Variants in CACNA1B observed in about 807,000 individuals in gnomAD.
CACNA1B encodes calcium voltage-gated channel subunit alpha1 B.
Under a neutral mutation model 247.2 loss-of-function variants are expected in CACNA1B, and 70 were observed. The observed-to-expected ratio is 0.28, with a 90% CI of 0.23 to 0.35. The LOEUF is 0.35. CACNA1B is among the 10% of genes least tolerant of loss of function. The probability of loss-of-function intolerance (pLI) is 1.00; values close to 1 mark genes in which losing one functional copy is unlikely to be tolerated. For missense variants in CACNA1B, 2,367 were observed against 3,197.4 expected (o/e 0.74, Z 6.26); for synonymous variants, 1,231 against 1,294.4 (o/e 0.95, Z 1.05).
At chr9:137,924,387 C>T (rs889480803) in intron 6 of CACNA1B, among the ~76,000 whole-genome samples, 4 of 146,446 alleles carry the variant, frequency 2.7e-5, no homozygotes, top group Non-Finnish European at 4.5e-5. Context: ...CTCCTTCCTT[C>T]CCTCCCTCCC....
chr9:137,902,024 A>G (rs945559995), intron 3 of CACNA1B, among the ~76,000 whole-genome samples: 5 of 152,080 alleles, frequency 3.3e-5, no homozygotes, highest in Admixed American at 1.3e-4. Context: ...CTTTGCCACC[A>G]CTGGATATAT....
chr9:137,951,754 G>A (rs1349847334), intron 6 of CACNA1B, among the ~76,000 whole-genome samples: 2 of 152,218 alleles, frequency 1.3e-5, no homozygotes, highest in East Asian at 3.8e-4. Flanking sequence ...GCTGTCTCAG[G>A]CCAGGCATGT....
chr9:137,924,492 T>A (rs1168461349), intron 6 of CACNA1B, among the ~76,000 whole-genome samples: 2 of 152,098 alleles, frequency 1.3e-5, no homozygotes, highest in Non-Finnish European at 2.9e-5. Context: ...CTGGACATAT[T>A]TATGTGGGTC....
intron 6 of CACNA1B, among the ~76,000 whole-genome samples, chr9:137,934,003 G>T (rs560114730): frequency 6.6e-6 from 1 of 152,132 alleles, no homozygotes; most frequent in African/African-American, 2.4e-5. Flanking sequence ...AAACACTTTG[G>T]TTAATTATTA....
At chr9:138,036,112 C>G (rs1336968597) in intron 20 of CACNA1B, among the ~76,000 whole-genome samples, 2 of 152,080 alleles carry the variant, frequency 1.3e-5, no homozygotes, top group Admixed American at 1.3e-4. Flanking sequence ...TCCCCCCCGC[C>G]CCTTCTGCCT....
At chr9:138,036,838 C>A (rs1464127628) in intron 20 of CACNA1B, among the ~76,000 whole-genome samples, 1 of 152,124 alleles carries the variant, frequency 6.6e-6, no homozygotes, top group Non-Finnish European at 1.5e-5. Flanking sequence ...GTGTAATACG[C>A]CAATAAGCAT....
At chr9:137,970,845 T>G (rs1958137608) in intron 10 of CACNA1B, among the ~76,000 whole-genome samples, 1 of 152,110 alleles carries the variant, frequency 6.6e-6, no homozygotes, top group African/African-American at 2.4e-5. Context: ...CAGTAAGTAT[T>G]GTGGACATTG....
At chr9:137,910,212 G>A (rs1190570506) in intron 3 of CACNA1B, among the ~76,000 whole-genome samples, 1 of 152,182 alleles carries the variant, frequency 6.6e-6, no homozygotes, top group African/African-American at 2.4e-5. Context: ...GTTCATTCAA[G>A]TCCGTTGCCC....
chr9:138,043,995 C>A, intron 21 of CACNA1B, 95 bp downstream of exon 21: 3 of 1,470,800 alleles, frequency 2.0e-6, no homozygotes, highest in Non-Finnish European at 2.8e-6. Flanking sequence ...TGATTCTGCG[C>A]ACTTATGTAG....
intron 45 of CACNA1B, 111 bp downstream of exon 45, chr9:138,120,483 C>T: frequency 7.2e-7 from 1 of 1,385,820 alleles, no homozygotes; most frequent in South Asian, 1.4e-5. Context: ...ACCCCATAAC[C>T]AGCCAGAGCA....
intron 36 of CACNA1B, among the ~76,000 whole-genome samples, chr9:138,089,798 A>T (rs150879247): frequency 6.6e-6 from 1 of 152,250 alleles, no homozygotes; most frequent in Non-Finnish European, 1.5e-5. Flanking sequence ...AGTAAAATCA[A>T]TGTACAAAAA....
chr9:137,971,667 C>A lies in CACNA1B; in HGVS notation c.1543+75C>A. 1.5e-6 allele frequency: 2 copies of A among 1,299,992 alleles called. No individual in the cohort carries two copies. Among genetic ancestry groups the A allele is most frequent in the South Asian group, 1.3e-5 (1 of 78,712 alleles). 80.5% of individuals were successfully genotyped at this position (1,299,992 alleles called of 1,614,324 possible). ...CAGTCTGGAAACCCTGGTCCATGCC[C>A]TGGGGCTACCCCAGGTGGGACGGGA... is the stretch of plus-strand genomic sequence containing the variant. On this transcript the variant is annotated intron_variant, in intron 11 of 46. Coordinates refer to ENST00000371372, the MANE Select transcript of CACNA1B (RefSeq NM_000718.4). The surrounding 1 kb of genome is among the most constrained non-coding windows in gnomAD (Gnocchi z 4.4).
intron 12 of CACNA1B, among the ~76,000 whole-genome samples, chr9:137,980,774 C>A (rs111271599): frequency 0.011 from 1,633 of 152,282 alleles, 10 homozygotes; most frequent in African/African-American, 0.013. Context: ...GTGTTTGTTT[C>A]TGCATTAATT....
chr9:137,923,808 G>A (rs565171781), intron 6 of CACNA1B, among the ~76,000 whole-genome samples: 2 of 152,262 alleles, frequency 1.3e-5, no homozygotes, highest in Admixed American at 1.3e-4. Flanking sequence ...CCAGTGTTTG[G>A]TGGTGACACT....
intron 39 of CACNA1B, among the ~76,000 whole-genome samples, chr9:138,106,695 C>T (rs113447687): frequency 0.16 from 24,054 of 152,180 alleles, 2,495 homozygotes; most frequent in East Asian, 0.47. Context: ...ACCTGGGAGG[C>T]GGAGGTTGCA....
intron 39 of CACNA1B, among the ~76,000 whole-genome samples, chr9:138,108,558 G>T (rs1184719626): frequency 6.6e-6 from 1 of 151,952 alleles, no homozygotes; most frequent in Non-Finnish European, 1.5e-5. Context: ...ACCAAAACTA[G>T]ACAAAGACAT....
intron 31 of CACNA1B, among the ~76,000 whole-genome samples, chr9:138,068,429 AG>A (rs757218042): frequency 2.6e-5 from 4 of 152,334 alleles, no homozygotes; most frequent in Admixed American, 1.3e-4. Context: ...CAAGCAAAAA[AG>A]CTGAAACCTG....
rs113773096 is a variant in CACNA1B at position 137,955,493 on chromosome 9, G to C, written c.1071-205G>C. Among the ~76,000 whole-genome samples the C allele has an allele frequency of 7.9e-3, 1,210 of 152,318 alleles. 6 individuals carry two copies. The highest frequency in any genetic ancestry group is 0.012 in the South Asian group (59 of 4,824). ...GGCTGCTCATGGAGGCCCTCTGGGT[G>C]CCCAGGGAGCTGTCTGGTGCTCTGG... On this transcript the variant is annotated intron_variant, in intron 7 of 46. Transcript: ENST00000371372. This position sits in a 1 kb window ranked among gnomAD's most constrained non-coding sequence, Gnocchi z 6.9.
chr9:138,029,697 A>G (rs912411967), intron 20 of CACNA1B, among the ~76,000 whole-genome samples: 8 of 143,910 alleles, frequency 5.6e-5, no homozygotes, highest in Non-Finnish European at 1.2e-4. Context: ...TGCAACCACC[A>G]TCTCCCGGGT....
Sources: allele counts gnomAD v4.1 joint callset (sites outside exome capture counted in the v4.1 genomes callset), GRCh38; gene constraint gnomAD v4.1.1; non-coding constraint Gnocchi (gnomAD v3.1); transcripts MANE v1.5; gene names NCBI Gene and HGNC (gene_info 2026-07-23, HGNC 2026-07-21).